DSG2: variants seen among roughly 807,000 people sequenced by gnomAD.
The protein encoded by DSG2 is desmoglein-2.
Under a neutral mutation model 75.6 loss-of-function variants are expected in DSG2, and 45 were observed. The ratio of observed to expected loss-of-function variants is 0.60; its 90% confidence interval spans 0.47 to 0.76. DSG2 has a LOEUF of 0.76. Among genes scored for constraint, DSG2 ranks in the 30% least tolerant of loss-of-function variants. DSG2 has a pLI of 0.00. For missense variants in DSG2, 1,267 were observed against 1,357.4 expected (o/e 0.93, Z 1.05); for synonymous variants, 429 against 483.9 (o/e 0.89, Z 1.49).
At chr18:31,540,136 A>G (rs1424458655) in intron 12 of DSG2, among the ~76,000 whole-genome samples, 1 of 152,182 alleles carries the variant, frequency 6.6e-6, no homozygotes, top group Non-Finnish European at 1.5e-5. Flanking sequence ...AATAAAGTAC[A>G]CAATAAATGT....
At chr18:31,522,408 C>G (rs1351129778) in intron 6 of DSG2, 159 bp downstream of exon 6, 2 of 695,280 alleles carry the variant, frequency 2.9e-6, no homozygotes, top group Non-Finnish European at 4.8e-6. Context: ...CCAATATGGG[C>G]CATGTGACTA....
Position 31,546,879 on chromosome 18 carries a change from A to G in DSG2, c.*136A>G. 1.1e-6 allele frequency: 1 copy of G among 913,974 alleles called. No individual in the cohort carries two copies. The highest frequency in any genetic ancestry group is 1.8e-6 in the Non-Finnish European group (1 of 563,912). The allele number at this position is 913,974 out of a possible 1,614,324, so 56.6% of individuals were successfully genotyped here. ...ATTGATCTTAAAATTTTTCTCAGTC[A>G]CTGATATGCAAAGGACCACACTGTC... is the stretch of plus-strand genomic sequence containing the variant. On this transcript the variant is annotated 3_prime_UTR_variant, in exon 15 of 15. Coordinates refer to ENST00000261590, the MANE Select transcript of DSG2 (RefSeq NM_001943.5).
rs2230234 is a variant in DSG2 at position 31,524,751 on chromosome 18, A to T, written c.877A>T (p.Ile293Leu). 5.9e-5 allele frequency: 96 copies of T among 1,614,074 alleles called. No individual in the cohort carries two copies. The highest frequency in any genetic ancestry group is 7.7e-5 in the Non-Finnish European group (91 of 1,180,034). The change falls in exon 8 of 15, where the codon ATA (isoleucine) becomes TTA (leucine). Residue 293 changes from isoleucine (I) to leucine (L), a missense_variant. Ile to Leu is a conservative substitution (Grantham distance 5). Coordinates refer to ENST00000261590, the MANE Select transcript of DSG2 (RefSeq NM_001943.5). ...TCAAGTCAACGTAGAAGTTACGCGC[A>T]TAAAAGTGTTCGATGCAGATGAAAT... ...ENQVNVEVTR[I>L]KVFDADEIGS...
Position 31,542,822 on chromosome 18 carries a change from C to G in DSG2, c.2304C>G (p.Asn768Lys). 6.5e-7 allele frequency: 1 copy of G among 1,539,078 alleles called. No individual in the cohort carries two copies. Among genetic ancestry groups the G allele is most frequent in the Non-Finnish European group, 8.7e-7 (1 of 1,151,844 alleles). ...CTCAGGCAGCTGCTGTTGCACTGAA[C>G]GAAGAATTCTTAAGAAATTATTTCA... ...AGAQAAAVAL[N>K]EEFLRNYFTD... The change falls in exon 14 of 15, where the codon AAC (asparagine) becomes AAG (lysine). Residue 768 changes from asparagine (N) to lysine (K), a missense_variant. By Grantham distance (94) the Asn-to-Lys change is moderately conservative (BLOSUM62 0). Coordinates refer to ENST00000261590, the MANE Select transcript of DSG2 (RefSeq NM_001943.5).
intron 1 of DSG2, among the ~76,000 whole-genome samples, chr18:31,516,058 T>C (rs11081701): frequency 0.4 from 60,275 of 151,920 alleles, 12,314 homozygotes; most frequent in Non-Finnish European, 0.47. Flanking sequence ...GCAATACATA[T>C]AGACAATAAT....
chr18:31,524,610 G>C lies in DSG2; in HGVS notation c.828+25G>C. 3 of 1,606,634 alleles carry C rather than the reference G, an allele frequency of 1.9e-6. No individual in the cohort carries two copies. The South Asian group carries it at 3.3e-5, about 18-fold the overall frequency. On this transcript the variant is annotated intron_variant, in intron 7 of 14. Coordinates refer to ENST00000261590, the MANE Select transcript of DSG2 (RefSeq NM_001943.5). ...GGTAACTATTATTCTTCTAATAACTGTACCTATTTATTTATATTTCAGTCC... is the reference window on the plus strand; with the variant it reads ...GGTAACTATTATTCTTCTAATAACTCTACCTATTTATTTATATTTCAGTCC...
chr18:31,533,600 A>T (rs2073210796), intron 9 of DSG2, among the ~76,000 whole-genome samples: 1 of 152,250 alleles, frequency 6.6e-6, no homozygotes, highest in Non-Finnish European at 1.5e-5. Flanking sequence ...TTAAGCAAAC[A>T]CATTGTGAAA....
At chr18:31,524,360 T>C in intron 6 of DSG2, 88 bp from the exon 7 acceptor site, 1 of 1,510,932 alleles carries the variant, frequency 6.6e-7, no homozygotes, top group Admixed American at 1.7e-5. Flanking sequence ...AAATATACTG[T>C]GGTACGTGAT....
intron 12 of DSG2, among the ~76,000 whole-genome samples, chr18:31,539,703 A>G (rs2073254670): frequency 2.0e-5 from 3 of 152,248 alleles, no homozygotes; most frequent in South Asian, 4.1e-4. Context: ...GCAGTGACAG[A>G]GGAGAGGTCT....
chr18:31,500,036 TAAAAAAAAAAA>T (rs10625787), intron 1 of DSG2, among the ~76,000 whole-genome samples: 3 of 110,996 alleles, frequency 2.7e-5, no homozygotes, highest in East Asian at 2.6e-4. Flanking sequence ...AGTTTTTTGG[TAAAAAAAAAAA>T]AAAAAAAAAA....
chr18:31,536,727 G>A (rs966054057), intron 11 of DSG2, among the ~76,000 whole-genome samples: 1 of 152,148 alleles, frequency 6.6e-6, no homozygotes, highest in Non-Finnish European at 1.5e-5. Context: ...GTAGTAGTTT[G>A]CCTTCTAAAA....
intron 1 of DSG2, among the ~76,000 whole-genome samples, chr18:31,501,685 G>C (rs79637678): frequency 0.012 from 1,752 of 152,264 alleles, 33 homozygotes; most frequent in African/African-American, 0.039. Flanking sequence ...GTGCATGTCT[G>C]TGTCCTTGTC....
In DSG2 at chr18:31,535,294, TA is replaced by T; in HGVS notation, c.1307del (p.Asn436IlefsTer32). 2 of 1,593,462 alleles carry T rather than the reference TA, an allele frequency of 1.3e-6. No individual in the cohort carries two copies. The highest frequency in any genetic ancestry group is 1.7e-6 in the Non-Finnish European group (2 of 1,162,632). On this transcript the variant is annotated frameshift_variant, in exon 10 of 15. Transcript: ENST00000261590. LOFTEE classifies it high-confidence loss of function. ...GATATGTAAAATTAGAAGATAGAGA[TA>T]ATTGGATCTCTGTGGATTCTGTCAC... Reference protein sequence around the residue: ...ARYVKLEDRDNWISVDSVTSE... With the variant: ...ARYVKLEDRDXWISVDSVTSE...
At chr18:31,518,353 C>G (rs1480293160) in intron 2 of DSG2, 79 bp downstream of exon 2, 1 of 1,258,978 alleles carries the variant, frequency 7.9e-7, no homozygotes, top group African/African-American at 1.5e-5. Context: ...CTGGGCTTTA[C>G]TAGATTGAAG....
chr18:31,505,405 G>T (rs192126602), intron 1 of DSG2, among the ~76,000 whole-genome samples: 8 of 152,056 alleles, frequency 5.3e-5, no homozygotes, highest in Non-Finnish European at 1.0e-4. Context: ...TTTTATAGCC[G>T]TCAGTTATAC....
rs1056410885 is a variant in DSG2, at chr18:31,548,846, G to C, written c.*2103G>C. The C allele has an allele frequency of 1.1e-4, 17 of 151,744 alleles. No homozygotes were observed. Among genetic ancestry groups the C allele is most frequent in the African/African-American group, 4.1e-4 (17 of 41,072 alleles). 9.4% of individuals were successfully genotyped at this position (151,744 alleles called of 1,614,324 possible). A position where few individuals can be genotyped will look rare whatever the true frequency, so the allele number is the denominator to read the frequency against. On this transcript the variant is annotated 3_prime_UTR_variant, in exon 15 of 15. Transcript: ENST00000261590. ...AATATTTAAATAAAAAGTATCTTTA[G>C]AGTGACCCTTTCCCCATAGATTTTT...
intron 5 of DSG2, among the ~76,000 whole-genome samples, chr18:31,521,788 C>T (rs1598811081): frequency 6.6e-6 from 1 of 152,152 alleles, no homozygotes; most frequent in East Asian, 1.9e-4. Context: ...CATGTACCTG[C>T]TCATGTTACT....
intron 8 of DSG2, among the ~76,000 whole-genome samples, chr18:31,526,392 A>G (rs1459763638): frequency 6.6e-6 from 1 of 152,208 alleles, no homozygotes; most frequent in East Asian, 1.9e-4. Flanking sequence ...AATAGGGAAG[A>G]ATTAACTTGA....
intron 12 of DSG2, among the ~76,000 whole-genome samples, chr18:31,540,195 T>C (rs2073257378): frequency 6.6e-6 from 1 of 152,182 alleles, no homozygotes; most frequent in South Asian, 2.1e-4. Context: ...CTAACTTCCC[T>C]GTGGAAAAAC....
Sources: gnomAD v4.1 joint callset for allele counts (sites outside exome capture counted in the v4.1 genomes callset) on GRCh38, gnomAD v4.1.1 for gene constraint, MANE v1.5 for transcripts, NCBI Gene and HGNC (gene_info 2026-07-23, HGNC 2026-07-21) for gene names.